The following GABRB1 variants were observed in gnomAD, a reference collection of about 807,000 sequenced individuals.
The protein encoded by GABRB1 is gamma-aminobutyric acid type A receptor subunit beta1, also known as gamma-aminobutyric acid receptor subunit beta-1.
GABRB1 carries 17 observed loss-of-function variants against 51.6 expected under a neutral mutation model. The ratio of observed to expected loss-of-function variants is 0.33; its 90% confidence interval spans 0.23 to 0.49. GABRB1 has a LOEUF of 0.49. GABRB1 is among the 20% of genes least tolerant of loss of function. The pLI is 0.99. For missense variants in GABRB1, 410 were observed against 600.6 expected, an observed-to-expected ratio of 0.68 and a Z score of 3.32; for synonymous variants, 247 against 218.9, an observed-to-expected ratio of 1.13 and a Z score of -1.14.
chr4:47,282,140 G>C (rs1474736260), intron 4 of GABRB1, among the ~76,000 whole-genome samples: 1 of 151,948 alleles, frequency 6.6e-6, no homozygotes, highest in African/African-American at 2.4e-5. Context: ...ACATCGCCTT[G>C]TACCCTACAA....
At chr4:47,202,965 G>A (rs981956746) in intron 4 of GABRB1, among the ~76,000 whole-genome samples, 1 of 152,144 alleles carries the variant, frequency 6.6e-6, no homozygotes, top group African/African-American at 2.4e-5. Flanking sequence ...AGTCTATGAA[G>A]TTGGCAAGGG....
rs183314303 is a variant in GABRB1 at position 47,334,973 on chromosome 4, T to A, written c.544+14764T>A. ...TTTTGTAATATCTTCCTGGGCAGAG[T>A]GATGAATCACCTCTCTATGTAATTA... On this transcript the variant is annotated intron_variant, in intron 5 of 8. Coordinates refer to ENST00000295454, the MANE Select transcript of GABRB1 (RefSeq NM_000812.4). Among the ~76,000 whole-genome samples the A allele has an allele frequency of 1.3e-3, 202 of 152,262 alleles. 1 individual carries two copies. Among genetic ancestry groups the A allele is most frequent in the Admixed American group, 4.5e-3 (69 of 15,284 alleles).
intron 8 of GABRB1, among the ~76,000 whole-genome samples, chr4:47,422,072 A>G (rs1247230615): frequency 1.3e-5 from 2 of 152,102 alleles, no homozygotes; most frequent in African/African-American, 4.8e-5. Context: ...CAGAGACTGC[A>G]TCTGGCTCAT....
intron 4 of GABRB1, among the ~76,000 whole-genome samples, chr4:47,220,848 C>A (rs1043672227): frequency 6.6e-6 from 1 of 151,962 alleles, no homozygotes; most frequent in Non-Finnish European, 1.5e-5. Flanking sequence ...TGTGGCTTCT[C>A]TCCAATTGAA....
At chr4:47,115,193 G>A (rs1577920553) in intron 3 of GABRB1, among the ~76,000 whole-genome samples, 1 of 152,116 alleles carries the variant, frequency 6.6e-6, no homozygotes, top group Non-Finnish European at 1.5e-5. Context: ...CATTTATGCT[G>A]ATAGCTAATA....
chr4:47,062,249 T>C (rs958566063), intron 3 of GABRB1, among the ~76,000 whole-genome samples: 4 of 151,442 alleles, frequency 2.6e-5, no homozygotes, highest in African/African-American at 9.7e-5. Flanking sequence ...AGTCCCAAGC[T>C]ATTCCCATCA....
At chr4:47,343,289 A>T (rs1725971128) in intron 5 of GABRB1, among the ~76,000 whole-genome samples, 1 of 152,118 alleles carries the variant, frequency 6.6e-6, no homozygotes, top group East Asian at 1.9e-4. Context: ...CGAGGATAAA[A>T]TCACACACCA....
upstream of GABRB1, among the ~76,000 whole-genome samples, chr4:47,029,874 C>T (rs918551187): frequency 2.0e-5 from 3 of 152,060 alleles, no homozygotes; most frequent in Non-Finnish European, 4.4e-5. Flanking sequence ...TTTATCCCTA[C>T]ATGAATTCCA....
intron 4 of GABRB1, among the ~76,000 whole-genome samples, chr4:47,190,052 C>T (rs764528242): frequency 2.6e-5 from 4 of 151,980 alleles, no homozygotes; most frequent in African/African-American, 9.7e-5. Context: ...GTCTTGTTCT[C>T]ATTCTCTAGC....
At chr4:47,395,451 A>G (rs1161961422) in intron 5 of GABRB1, among the ~76,000 whole-genome samples, 1 of 152,068 alleles carries the variant, frequency 6.6e-6, no homozygotes, top group Non-Finnish European at 1.5e-5. Context: ...CCATAATCCA[A>G]TCACCTCTCA....
At chr4:47,215,898 G>T (rs1720534824) in intron 4 of GABRB1, among the ~76,000 whole-genome samples, 1 of 152,026 alleles carries the variant, frequency 6.6e-6, no homozygotes, top group African/African-American at 2.4e-5. Flanking sequence ...GGATGACACA[G>T]CTCCTCTGAA....
At chr4:47,187,053 C>T (rs981223741) in intron 4 of GABRB1, among the ~76,000 whole-genome samples, 4 of 151,864 alleles carry the variant, frequency 2.6e-5, no homozygotes, top group Non-Finnish European at 4.4e-5. Flanking sequence ...ATATTGGAAG[C>T]AGTATGATGA....
chr4:47,019,923 C>T (rs60545288), intron 1 of GABRB1, among the ~76,000 whole-genome samples: 1,561 of 51,080 alleles, frequency 0.031, 18 homozygotes, highest in African/African-American at 0.098. Context: ...TATATGTATA[C>T]GTATATGTAT....
intron 4 of GABRB1, among the ~76,000 whole-genome samples, chr4:47,309,719 A>G (rs1724599283): frequency 6.6e-6 from 1 of 152,130 alleles, no homozygotes; most frequent in South Asian, 2.1e-4. Context: ...TGCTACATAC[A>G]ATATAATCTC....
chr4:47,149,691 G>A (rs533781215), intron 3 of GABRB1, among the ~76,000 whole-genome samples: 8 of 151,986 alleles, frequency 5.3e-5, no homozygotes, highest in Non-Finnish European at 1.2e-4. Flanking sequence ...TTTGATACAG[G>A]CCCAAGGATG....
intron 3 of GABRB1, among the ~76,000 whole-genome samples, chr4:47,083,694 A>T (rs1727948083): frequency 6.6e-6 from 1 of 152,096 alleles, no homozygotes; most frequent in Non-Finnish European, 1.5e-5. Flanking sequence ...ACCAATGCCT[A>T]CTAATACCTA....
intron 4 of GABRB1, among the ~76,000 whole-genome samples, chr4:47,303,475 C>T (rs964780495): frequency 6.6e-6 from 1 of 151,448 alleles, no homozygotes; most frequent in Non-Finnish European, 1.5e-5. Flanking sequence ...TTGTGACAAA[C>T]TATTTTTGAA....
intron 8 of GABRB1, among the ~76,000 whole-genome samples, chr4:47,421,787 G>A (rs1560379008): frequency 6.6e-6 from 1 of 152,052 alleles, no homozygotes; most frequent in Admixed American, 6.5e-5. Context: ...GCCATGTACA[G>A]TTTGATTGAA....
chr4:47,067,534 C>A (rs1212025910), intron 3 of GABRB1, among the ~76,000 whole-genome samples: 2 of 152,108 alleles, frequency 1.3e-5, no homozygotes, highest in African/African-American at 2.4e-5. Flanking sequence ...GTAGCAGCTT[C>A]TACATTAATG....
Sources: gnomAD v4.1 joint callset for allele counts (sites outside exome capture counted in the v4.1 genomes callset) on GRCh38, gnomAD v4.1.1 for gene constraint, MANE v1.5 for transcripts, NCBI Gene and HGNC (gene_info 2026-07-23, HGNC 2026-07-21) for gene names.